Variants in AKNAD1 observed in about 807,000 individuals in gnomAD.
AKNAD1 encodes AKNA domain containing 1.
AKNAD1 carries 67 observed loss-of-function variants against 90.8 expected under a neutral mutation model. The observed-to-expected ratio is 0.74, with a 90% confidence interval of 0.61 to 0.90. The LOEUF (loss-of-function observed/expected upper bound fraction) is 0.90, where lower values mean the gene tolerates loss of function less well. Among genes scored for constraint, AKNAD1 ranks in the 40% least tolerant of loss-of-function variants. The probability of loss-of-function intolerance (pLI) is 0.00; values close to 1 mark genes in which losing one functional copy is unlikely to be tolerated. For synonymous variants in AKNAD1, 327 were observed against 341.4 expected (o/e 0.96, Z 0.46); for missense variants, 957 against 975.4 (o/e 0.98, Z 0.25).
At position 108,843,184 on chromosome 1, in the gene AKNAD1, C is replaced by G; in HGVS notation, c.1329G>C (p.Gln443His). 1 of 1,614,186 alleles carries G rather than the reference C, an allele frequency of 6.2e-7. No homozygotes were observed. Among genetic ancestry groups the G allele is most frequent in the Non-Finnish European group, 8.5e-7 (1 of 1,180,020 alleles). Residue 443 changes from glutamine (Q) to histidine (H), a missense_variant, in exon 6 of 16, where the codon CAG becomes CAC. By Grantham distance (24) the Gln-to-His change is conservative. Coordinates refer to ENST00000370001, the MANE Select transcript of AKNAD1 (RefSeq NM_152763.5). ...TTGTTGATTCGTGCTTGTGGACTTGCTGCTGCAAAGTCAGATGCTTGTCCT... is the reference window on the plus strand; with the variant it reads ...TTGTTGATTCGTGCTTGTGGACTTGGTGCTGCAAAGTCAGATGCTTGTCCT... Reference protein sequence around the residue: ...ATKDKHLTLQQQVHKHESTIV... With the variant: ...ATKDKHLTLQHQVHKHESTIV...
chr1:108,823,813 G>C, intron 11 of AKNAD1, 125 bp from the exon 12 acceptor site: 2 of 1,451,386 alleles, frequency 1.4e-6, no homozygotes, highest in Non-Finnish European at 1.9e-6. Flanking sequence ...TTAATGTCCC[G>C]GCTGTGTCAC....
At chr1:108,855,535 C>A (rs1665006937) in intron 1 of AKNAD1, among the ~76,000 whole-genome samples, 1 of 151,766 alleles carries the variant, frequency 6.6e-6, no homozygotes, top group Admixed American at 6.6e-5. Context: ...GCCTGTAATC[C>A]CAGCACTTTG....
At chr1:108,821,311 TGTG>T (rs1663805842) in intron 13 of AKNAD1, among the ~76,000 whole-genome samples, 1 of 151,710 alleles carries the variant, frequency 6.6e-6, no homozygotes, top group Non-Finnish European at 1.5e-5. Flanking sequence ...ATTAGCCGGG[TGTG>T]GTGGTGGGTG....
chr1:108,843,341 C>T lies in AKNAD1; in HGVS notation c.1246-74G>A. ...TAATTGTTTTCCCAAAAACACAAAG[C>T]AGGTGTACCCTACAGTAGTGTCAAA... On this transcript the variant is annotated intron_variant, in intron 5 of 15. Coordinates refer to ENST00000370001, the MANE Select transcript of AKNAD1 (RefSeq NM_152763.5). The T allele has an allele frequency of 8.3e-6, 13 of 1,567,520 alleles. No individual in the cohort carries two copies. In the South Asian group the frequency reaches 1.4e-4, roughly 17 times the overall value.
At chr1:108,832,647 A>T (rs1664247075) in intron 9 of AKNAD1, among the ~76,000 whole-genome samples, 1 of 151,932 alleles carries the variant, frequency 6.6e-6, no homozygotes, top group Non-Finnish European at 1.5e-5. Flanking sequence ...GTCTATCTAC[A>T]TTTTTTTTAA....
Position 108,817,052 on chromosome 1 carries a change from G to C in AKNAD1, c.2375C>G (p.Ser792Cys), listed in dbSNP as rs755078231. The C allele has an allele frequency of 6.2e-7, 1 of 1,613,942 alleles. No individual in the cohort carries two copies. Among genetic ancestry groups the C allele is most frequent in the East Asian group, 2.2e-5 (1 of 44,870 alleles). ...AATGATTTTCTAAGTCCTCACCTCAGATTTTATTTCTTCAGTGCTATCAAA... is the reference window on the plus strand; with the variant it reads ...AATGATTTTCTAAGTCCTCACCTCACATTTTATTTCTTCAGTGCTATCAAA... ...CDFDSTEEIK[S>C]EILNSALDHA... is the part of the protein sequence containing the mutation. The change falls in exon 15 of 16, where the codon TCT (serine) becomes TGT (cysteine). Residue 792 changes from serine (S) to cysteine (C), a missense_variant. Transcript: ENST00000370001.
intron 9 of AKNAD1, 151 bp downstream of exon 9, chr1:108,834,296 G>C (rs961212284): frequency 4.6e-6 from 3 of 650,920 alleles, no homozygotes; most frequent in African/African-American, 1.8e-5. Flanking sequence ...AGCAGTACCA[G>C]CCATCACCAG....
chr1:108,823,950 G>T (rs911369139), intron 11 of AKNAD1, among the ~76,000 whole-genome samples: 5 of 152,142 alleles, frequency 3.3e-5, no homozygotes, highest in African/African-American at 1.2e-4. Context: ...CTTAGTAAAG[G>T]TCTGCTGAAT....
At position 108,852,890 on chromosome 1, in the gene AKNAD1, TCAACC is replaced by T; in HGVS notation, c.-103-128_-103-124del. Reference sequence around the variant, plus strand: ...AGTTACAAACAGGAAGGCAGGAAGCTCAACCACAAGCTGACCCAACCTCAATCCAC... The same window carrying T: ...AGTTACAAACAGGAAGGCAGGAAGCTACAAGCTGACCCAACCTCAATCCAC... On this transcript the variant is annotated intron_variant, in intron 1 of 15. Transcript: ENST00000370001. 2.5e-5 allele frequency: 10 copies of T among 398,134 alleles called. No individual in the cohort carries two copies. The South Asian group carries it at 7.1e-4, about 28-fold the overall frequency. 24.7% of individuals were successfully genotyped at this position (398,134 alleles called of 1,614,324 possible). A position where few individuals can be genotyped will look rare whatever the true frequency, so the allele number is the denominator to read the frequency against.
intron 13 of AKNAD1, among the ~76,000 whole-genome samples, chr1:108,822,853 G>T (rs548236315): frequency 6.6e-6 from 1 of 152,266 alleles, no homozygotes; most frequent in African/African-American, 2.4e-5. Context: ...TCAAGAGCTT[G>T]GGAAGGAGCA....
chr1:108,839,290 A>C (rs1233926500), intron 6 of AKNAD1, among the ~76,000 whole-genome samples: 2 of 151,966 alleles, frequency 1.3e-5, no homozygotes, highest in Admixed American at 6.6e-5. Context: ...TCAAGACCAT[A>C]CTGGCTAACA....
chr1:108,829,849 AGCTTAGAGGTAACATCTCTC>A (rs2101176662), intron 10 of AKNAD1, among the ~76,000 whole-genome samples: 1 of 152,320 alleles, frequency 6.6e-6, no homozygotes, highest in East Asian at 1.9e-4. Context: ...GTCCACAGTG[AGCTTAGAGGTAACATCTCTC>A]GCTACCTGAA....
At chr1:108,822,513 T>C (rs1663849544) in intron 13 of AKNAD1, among the ~76,000 whole-genome samples, 1 of 152,018 alleles carries the variant, frequency 6.6e-6, no homozygotes, top group Non-Finnish European at 1.5e-5. Context: ...ATACATGCAA[T>C]TGGAGGATGT....
chr1:108,816,281 G>A lies in AKNAD1; in HGVS notation c.2401C>T (p.His801Tyr). ...AAAATGGTTGCTGTCCTTAGGGCAT[G>A]ATCCAAAGCCGAGTTTAAAATCTAC... The part of the protein sequence containing the change: ...KSEILNSALD[H>Y]ALRTATILKE... Residue 801 changes from histidine to tyrosine, a missense_variant, in exon 16 of 16, where the codon CAT becomes TAT. Transcript: ENST00000370001. The A allele has an allele frequency of 6.2e-7, 1 of 1,611,720 alleles. No individual in the cohort carries two copies. Among genetic ancestry groups the A allele is most frequent in the Non-Finnish European group, 8.5e-7 (1 of 1,179,294 alleles).
intron 9 of AKNAD1, 114 bp downstream of exon 9, chr1:108,834,333 A>G: frequency 1.2e-6 from 1 of 843,554 alleles, no homozygotes; most frequent in Non-Finnish European, 1.8e-6. Flanking sequence ...GCCATTAGGA[A>G]GAGGTAAGTG....
intron 6 of AKNAD1, among the ~76,000 whole-genome samples, chr1:108,841,338 A>G (rs1149148): frequency 0.97 from 147,717 of 152,210 alleles, 71,689 homozygotes; most frequent in East Asian, 1. Flanking sequence ...ATTTGGAGAT[A>G]GAAGAGACAT....
chr1:108,834,536 A>G lies in AKNAD1; in HGVS notation c.1665-8T>C, dbSNP rs201859332. 6.4e-3 allele frequency: 239 copies of G among 37,440 alleles called. No homozygotes were observed. Among genetic ancestry groups the G allele is most frequent in the South Asian group, 0.019 (24 of 1,266 alleles). 2.3% of individuals were successfully genotyped at this position (37,440 alleles called of 1,614,324 possible). On this transcript the variant is annotated splice_region_variant and splice_polypyrimidine_tract_variant and intron_variant, in intron 8 of 15. Transcript: ENST00000370001. ...TAATGACCGTTTAGGTAACTAATTT[A>G]AAAAAAAAAAAAGCAGTTTGAATGT...
intron 5 of AKNAD1, among the ~76,000 whole-genome samples, chr1:108,845,550 C>T (rs1347610033): frequency 6.6e-6 from 1 of 152,220 alleles, no homozygotes; most frequent in Non-Finnish European, 1.5e-5. Flanking sequence ...ATTGGTTTCC[C>T]TTAGCCTTGC....
At chr1:108,817,354 A>G in intron 14 of AKNAD1, 177 bp from the exon 15 acceptor site, 1 of 651,140 alleles carries the variant, frequency 1.5e-6, no homozygotes, top group Non-Finnish European at 2.4e-6. Flanking sequence ...TGGGCTTCAG[A>G]AAATGGTTGT....
Sources: allele counts gnomAD v4.1 joint callset (sites outside exome capture counted in the v4.1 genomes callset), GRCh38; gene constraint gnomAD v4.1.1; transcripts MANE v1.5; gene names NCBI Gene and HGNC (gene_info 2026-07-23, HGNC 2026-07-21).